The following HECW1 variants were observed in gnomAD, a reference collection of about 807,000 sequenced individuals.
The protein encoded by HECW1 is HECT, C2 and WW domain containing E3 ubiquitin protein ligase 1, also known as E3 ubiquitin-protein ligase HECW1.
A neutral mutation model predicts 182.3 loss-of-function variants in HECW1; 61 were observed. That is an observed-to-expected ratio of 0.33 (90% CI 0.27 to 0.41). The LOEUF is 0.41. Among genes scored for constraint, HECW1 ranks in the 10% least tolerant of loss-of-function variants. The pLI is 1.00. For missense variants in HECW1, 1,739 were observed against 2,108.9 expected, an observed-to-expected ratio of 0.82 and a Z score of 3.44; for synonymous variants, 859 against 832.6, an observed-to-expected ratio of 1.03 and a Z score of -0.55.
At chr7:43,283,156 G>A (rs530687545) in intron 3 of HECW1, among the ~76,000 whole-genome samples, 3 of 151,876 alleles carry the variant, frequency 2.0e-5, no homozygotes, top group Non-Finnish European at 4.4e-5. Context: ...AGAAATTCTC[G>A]GTGTACAGTT....
At chr7:43,195,858 C>T (rs1794415431) in intron 2 of HECW1, among the ~76,000 whole-genome samples, 2 of 152,228 alleles carry the variant, frequency 1.3e-5, no homozygotes, top group Admixed American at 1.3e-4. Context: ...GTAGAAATTT[C>T]TCAGAACTGT....
intron 18 of HECW1, among the ~76,000 whole-genome samples, chr7:43,492,548 T>C (rs1279083004): frequency 6.6e-6 from 1 of 152,260 alleles, no homozygotes; most frequent in Admixed American, 6.5e-5. Context: ...TCTCTTTCCA[T>C]GTATGTATGG....
intron 8 of HECW1, among the ~76,000 whole-genome samples, chr7:43,428,203 G>T (rs2076422855): frequency 6.6e-6 from 1 of 152,144 alleles, no homozygotes; most frequent in Non-Finnish European, 1.5e-5. Flanking sequence ...TCACTATAAC[G>T]TAATCCGTAG....
chr7:43,407,750 G>GA lies in HECW1; in HGVS notation c.801+26dup, dbSNP rs756505360. 1.5e-5 allele frequency: 23 copies of GA among 1,584,796 alleles called. No individual in the cohort carries two copies. Among genetic ancestry groups the GA allele is most frequent in the Middle Eastern group, 1.7e-4 (1 of 5,862 alleles). On this transcript the variant is annotated intron_variant, in intron 8 of 29. Coordinates refer to ENST00000395891, the MANE Select transcript of HECW1 (RefSeq NM_015052.5). ...GGCCGAGGTGAGTGCTGTGGGCCCT[G>GA]AAAAAAAGCCCAAGTAAAAGTGAAA...
chr7:43,279,550 C>T (rs1803623957), intron 3 of HECW1, among the ~76,000 whole-genome samples: 1 of 152,074 alleles, frequency 6.6e-6, no homozygotes, highest in Admixed American at 6.6e-5. Context: ...CACTTAGTTC[C>T]TTGAACCTGT....
chr7:43,446,194 G>A (rs532369786), intron 11 of HECW1, among the ~76,000 whole-genome samples: 5 of 150,532 alleles, frequency 3.3e-5, no homozygotes, highest in African/African-American at 1.2e-4. Flanking sequence ...TTTGGCTAAT[G>A]GAAGGGAAAA....
At chr7:43,148,966 G>T (rs1789004607) in intron 2 of HECW1, 2 of 151,904 alleles carry the variant, frequency 1.3e-5, no homozygotes, top group African/African-American at 2.4e-5. Flanking sequence ...AAAATGTAGG[G>T]ACAGTTCTTC....
intron 12 of HECW1, among the ~76,000 whole-genome samples, chr7:43,455,018 C>T (rs146215630): frequency 5.4e-4 from 82 of 152,332 alleles, no homozygotes; most frequent in African/African-American, 1.9e-3. Flanking sequence ...TTCTATGTTT[C>T]GCTCAGACGT....
Position 43,466,606 on chromosome 7 carries a change from G to A in HECW1, c.2913+38G>A, listed in dbSNP as rs200259500. 39 of 1,600,338 alleles carry A rather than the reference G, an allele frequency of 2.4e-5. No individual in the cohort carries two copies. In the Middle Eastern group the frequency reaches 5.4e-4, roughly 22 times the overall value. ...AAATGCAGAGGGGGCGGCCTGGCTC[G>A]GCAAGACCCAAAACACAGCTTTGTA... On this transcript the variant is annotated intron_variant, in intron 15 of 29. Transcript: ENST00000395891.
chr7:43,195,505 C>T (rs1283310242), intron 2 of HECW1, among the ~76,000 whole-genome samples: 2 of 152,146 alleles, frequency 1.3e-5, no homozygotes, highest in African/African-American at 2.4e-5. Context: ...GGTAGCCACG[C>T]CTCTTATGTT....
chr7:43,192,306 G>A (rs1794001618), intron 2 of HECW1, among the ~76,000 whole-genome samples: 6 of 152,128 alleles, frequency 3.9e-5, no homozygotes, highest in Admixed American at 3.9e-4. Context: ...ACATTAATTG[G>A]TTATACATTT....
At chr7:43,556,617 G>A (rs1170225457) in intron 29 of HECW1, among the ~76,000 whole-genome samples, 1 of 151,998 alleles carries the variant, frequency 6.6e-6, no homozygotes, top group Non-Finnish European at 1.5e-5. Flanking sequence ...GAGCCCAGGA[G>A]GCTGAGGCTG....
intron 14 of HECW1, among the ~76,000 whole-genome samples, 155 bp downstream of exon 14, chr7:43,463,954 G>A (rs556450054): frequency 1.3e-5 from 2 of 152,146 alleles, no homozygotes; most frequent in African/African-American, 2.4e-5. Flanking sequence ...CCTGGTGCCC[G>A]CAAGGGAAAG....
intron 8 of HECW1, among the ~76,000 whole-genome samples, chr7:43,437,130 C>T (rs561272135): frequency 6.6e-6 from 1 of 152,180 alleles, no homozygotes; most frequent in Non-Finnish European, 1.5e-5. Context: ...TGGAGCATCC[C>T]CCTCTAGACA....
intron 24 of HECW1, among the ~76,000 whole-genome samples, chr7:43,534,934 T>C (rs1226522637): frequency 2.0e-5 from 3 of 152,222 alleles, no homozygotes; most frequent in Non-Finnish European, 4.4e-5. Context: ...CATTAGACTC[T>C]CAGGTGGACT....
chr7:43,544,294 C>G (rs2081475286), intron 26 of HECW1, among the ~76,000 whole-genome samples: 1 of 151,980 alleles, frequency 6.6e-6, no homozygotes, highest in Non-Finnish European at 1.5e-5. Flanking sequence ...TCCCACAGAT[C>G]AATAAGAAAT....
chr7:43,381,787 G>A (rs888239295), intron 6 of HECW1, among the ~76,000 whole-genome samples: 1 of 152,098 alleles, frequency 6.6e-6, no homozygotes, highest in African/African-American at 2.4e-5. Flanking sequence ...GCCTCACAAA[G>A]TGCTGGGATT....
chr7:43,360,108 A>G (rs1815677534), intron 5 of HECW1, among the ~76,000 whole-genome samples: 1 of 152,204 alleles, frequency 6.6e-6, no homozygotes, highest in Non-Finnish European at 1.5e-5. Flanking sequence ...CAGGGGGTAC[A>G]GGGACTTATT....
intron 8 of HECW1, among the ~76,000 whole-genome samples, chr7:43,412,722 C>G (rs1033345752): frequency 1.3e-5 from 2 of 151,012 alleles, no homozygotes; most frequent in Non-Finnish European, 2.9e-5. Context: ...TTAGTTCTTG[C>G]GATAGTTTAC....
Sources: allele counts gnomAD v4.1 joint callset (sites outside exome capture counted in the v4.1 genomes callset), GRCh38; gene constraint gnomAD v4.1.1; transcripts MANE v1.5; gene names NCBI Gene and HGNC (gene_info 2026-07-23, HGNC 2026-07-21).